The following UBE2Q2 variants were observed in gnomAD, a reference collection of about 807,000 sequenced individuals.
UBE2Q2 encodes the protein ubiquitin conjugating enzyme E2 Q2, also known as ubiquitin-conjugating enzyme E2 Q2.
In UBE2Q2, 54 loss-of-function variants were observed where a neutral mutation model predicts 59.9. The observed-to-expected ratio is 0.90, with a 90% CI of 0.72 to 1.13. UBE2Q2 has a LOEUF of 1.13. Ranked by LOEUF, UBE2Q2 falls within the 50% of genes most tolerant of loss-of-function variation. The pLI is 0.00. For missense variants in UBE2Q2, 433 were observed against 441.9 expected (o/e 0.98, Z 0.18); for synonymous variants, 165 against 155.2 (o/e 1.06, Z -0.47).
At chr15:75,858,514 CCTTCTGAATGTCT>C (rs1210459560) in intron 2 of UBE2Q2, among the ~76,000 whole-genome samples, 1 of 152,056 alleles carries the variant, frequency 6.6e-6, no homozygotes, top group Non-Finnish European at 1.5e-5. Flanking sequence ...TAAGACCTGT[CCTTCTGAATGTCT>C]CTTACTATTT....
intron 11 of UBE2Q2, among the ~76,000 whole-genome samples, chr15:75,893,057 A>G (rs1899192457): frequency 6.6e-6 from 1 of 152,172 alleles, no homozygotes; most frequent in Non-Finnish European, 1.5e-5. Flanking sequence ...AATATGTCTT[A>G]GTGGAATCCC....
chr15:75,876,661 A>G (rs962116046), intron 6 of UBE2Q2, among the ~76,000 whole-genome samples: 1 of 152,174 alleles, frequency 6.6e-6, no homozygotes, highest in Non-Finnish European at 1.5e-5. Flanking sequence ...TTTGAAAGCA[A>G]GATAATCAGC....
At chr15:75,888,431 T>C (rs1192916821) in intron 9 of UBE2Q2, among the ~76,000 whole-genome samples, 1 of 152,254 alleles carries the variant, frequency 6.6e-6, no homozygotes, top group East Asian at 1.9e-4. Context: ...TAGTGTTTGC[T>C]GTACAACTTT....
At chr15:75,852,058 G>C (rs1443461466) in intron 1 of UBE2Q2, among the ~76,000 whole-genome samples, 2 of 150,982 alleles carry the variant, frequency 1.3e-5, no homozygotes, top group African/African-American at 4.9e-5. Context: ...ATTTTTTTTT[G>C]TAGAGATGGG....
chr15:75,854,489 TA>T lies in UBE2Q2; in HGVS notation c.282+4del. On this transcript the variant is annotated splice_donor_region_variant and intron_variant, in intron 2 of 12. Coordinates refer to ENST00000267938, the MANE Select transcript of UBE2Q2 (RefSeq NM_173469.4). ...GAAGATACTAAGAACAACAATTTGG[TA>T]AGAAAATAAGCCAAGCTATTTTCTC... 6.3e-7 allele frequency: 1 copy of T among 1,592,492 alleles called. No homozygotes were observed. The highest frequency in any genetic ancestry group is 8.6e-7 in the Non-Finnish European group (1 of 1,165,118).
At position 75,843,666 on chromosome 15, in the gene UBE2Q2, G is replaced by T; in HGVS notation, c.-1G>T. 6.3e-7 allele frequency: 1 copy of T among 1,599,842 alleles called. No individual in the cohort carries two copies. The highest frequency in any genetic ancestry group is 1.4e-5 in the African/African-American group (1 of 72,530). On this transcript the variant is annotated 5_prime_UTR_variant, in exon 1 of 13. Transcript: ENST00000267938. ...CCCCTCCCGCCGGAGATGAGGGGAA[G>T]ATGTCCGTGTCAGGGCTCAAGGCCG...
intron 1 of UBE2Q2, among the ~76,000 whole-genome samples, chr15:75,846,362 C>G (rs992734564): frequency 6.6e-6 from 1 of 152,104 alleles, no homozygotes; most frequent in Non-Finnish European, 1.5e-5. Flanking sequence ...CACCGCCTCC[C>G]GAGTAGCTGG....
At chr15:75,889,385 T>C (rs1349534544) in intron 9 of UBE2Q2, among the ~76,000 whole-genome samples, 2 of 152,216 alleles carry the variant, frequency 1.3e-5, no homozygotes, top group Non-Finnish European at 2.9e-5. Context: ...TTATTAAATA[T>C]TGTCACTGTA....
intron 5 of UBE2Q2, among the ~76,000 whole-genome samples, chr15:75,874,024 C>T (rs1332462779): frequency 3.3e-5 from 5 of 152,052 alleles, no homozygotes; most frequent in African/African-American, 9.7e-5. Flanking sequence ...CTGTAGATTA[C>T]GTTTCTTATC....
chr15:75,876,143 C>A (rs1898066501), intron 5 of UBE2Q2, 44 bp from the exon 6 acceptor site: 1 of 1,561,948 alleles, frequency 6.4e-7, no homozygotes, highest in Non-Finnish European at 8.7e-7. Flanking sequence ...TATCTTAAAT[C>A]TTAGCTCAGC....
chr15:75,847,286 C>A (rs1896402313), intron 1 of UBE2Q2, among the ~76,000 whole-genome samples: 1 of 152,076 alleles, frequency 6.6e-6, no homozygotes, highest in South Asian at 2.1e-4. Flanking sequence ...GTCAAAAGTG[C>A]AGAGATAACA....
At chr15:75,869,193 A>C (rs1310140711) in intron 4 of UBE2Q2, among the ~76,000 whole-genome samples, 183 bp downstream of exon 4, 1 of 152,184 alleles carries the variant, frequency 6.6e-6, no homozygotes, top group African/African-American at 2.4e-5. Flanking sequence ...CTTTGAGCAA[A>C]TTTATCTGAA....
chr15:75,871,914 T>A (rs1469370997), intron 4 of UBE2Q2, among the ~76,000 whole-genome samples: 5 of 152,178 alleles, frequency 3.3e-5, no homozygotes, highest in African/African-American at 7.2e-5. Flanking sequence ...ATGTGCTGAT[T>A]AATACTCAGA....
intron 1 of UBE2Q2, among the ~76,000 whole-genome samples, chr15:75,850,967 A>G (rs1014050190): frequency 6.6e-6 from 1 of 152,166 alleles, no homozygotes; most frequent in Admixed American, 6.5e-5. Flanking sequence ...ACAGTCTTAA[A>G]TTTTTTGCAA....
At chr15:75,844,120 G>A (rs1384987876) in intron 1 of UBE2Q2, 2 of 1,415,682 alleles carry the variant, frequency 1.4e-6, no homozygotes, top group Admixed American at 3.0e-5. Context: ...TAGCCCCGAG[G>A]GGGGAGTCCG....
At chr15:75,853,286 A>G (rs1019413146) in intron 1 of UBE2Q2, among the ~76,000 whole-genome samples, 1 of 152,088 alleles carries the variant, frequency 6.6e-6, no homozygotes, top group African/African-American at 2.4e-5. Flanking sequence ...CCTGGCCAGC[A>G]TGGTGAAACC....
chr15:75,846,090 T>C (rs1896331090), intron 1 of UBE2Q2, among the ~76,000 whole-genome samples: 1 of 152,230 alleles, frequency 6.6e-6, no homozygotes, highest in African/African-American at 2.4e-5. Context: ...AGTTGAACAG[T>C]GTAATGTAGC....
rs573102345 is a variant in UBE2Q2 at position 75,866,754 on chromosome 15, AGT to A, written c.388-2195_388-2194del. On this transcript the variant is annotated intron_variant, in intron 3 of 12. Transcript: ENST00000267938. Reference sequence around the variant, plus strand: ...TCCATAGTACTCTGGCCCTTCTACAAGTGGTTTTTTGGGGGTGGAGGGGATCT... The same window carrying A: ...TCCATAGTACTCTGGCCCTTCTACAAGGTTTTTTGGGGGTGGAGGGGATCT... Among the ~76,000 whole-genome samples the A allele has an allele frequency of 1.9e-3, 292 of 152,226 alleles. 6 individuals are homozygous for A. Among genetic ancestry groups the A allele is most frequent in the African/African-American group, 6.3e-3 (263 of 41,552 alleles).
At chr15:75,851,050 A>C (rs1896611665) in intron 1 of UBE2Q2, among the ~76,000 whole-genome samples, 1 of 152,128 alleles carries the variant, frequency 6.6e-6, no homozygotes, top group Non-Finnish European at 1.5e-5. Context: ...GAAATAATGT[A>C]AACAAAATCC....
Sources: allele counts gnomAD v4.1 joint callset (sites outside exome capture counted in the v4.1 genomes callset), GRCh38; gene constraint gnomAD v4.1.1; transcripts MANE v1.5; gene names NCBI Gene and HGNC (gene_info 2026-07-23, HGNC 2026-07-21).